CDH12: variants seen among roughly 807,000 people sequenced by gnomAD.
CDH12 encodes cadherin-12.
Under a neutral mutation model 74.1 loss-of-function variants are expected in CDH12, and 41 were observed. The ratio of observed to expected loss-of-function variants is 0.55; its 90% confidence interval spans 0.43 to 0.72. The LOEUF (loss-of-function observed/expected upper bound fraction) is 0.72, where lower values mean the gene tolerates loss of function less well. CDH12 is among the 30% of genes least tolerant of loss of function. The pLI is 0.00. For synonymous variants in CDH12, 399 were observed against 355.0 expected (o/e 1.12, Z -1.39); for missense variants, 945 against 977.2 (o/e 0.97, Z 0.44).
At chr5:22,535,165 T>G (rs1737782586) in intron 1 of CDH12, among the ~76,000 whole-genome samples, 1 of 143,156 alleles carries the variant, frequency 7.0e-6, no homozygotes, top group African/African-American at 2.6e-5. Flanking sequence ...TTTCTTTTTT[T>G]TTTTTTTTTG....
intron 3 of CDH12, among the ~76,000 whole-genome samples, chr5:22,240,827 G>GCACCT (rs767577662): frequency 6.6e-6 from 1 of 152,080 alleles, no homozygotes; most frequent in African/African-American, 2.4e-5. Context: ...AGCCACCGCC[G>GCACCT]CACCTGGCCG....
intron 1 of CDH12, among the ~76,000 whole-genome samples, chr5:22,512,904 A>G (rs1736670100): frequency 6.6e-6 from 1 of 152,140 alleles, no homozygotes; most frequent in South Asian, 2.1e-4. Flanking sequence ...TCTACTAAAA[A>G]TACAAAAAGT....
At position 22,491,625 on chromosome 5, in the gene CDH12, A is replaced by C. The variant is rs577458275; in HGVS notation, c.-428+13645T>G. Among the ~76,000 whole-genome samples, 87 of 138,168 alleles carry C rather than the reference A, an allele frequency of 6.3e-4. 1 individual carries two copies. The highest frequency in any genetic ancestry group is 2.8e-3 in the African/African-American group (82 of 29,656). The allele number at this position is 138,168 out of a possible 152,430, so 90.6% of individuals were successfully genotyped here. A position where few individuals can be genotyped will look rare whatever the true frequency, so the allele number is the denominator to read the frequency against. ...AGCTAATGAGCAAAAAAAAAAACAA[A>C]AAAAAAAACAAAAACAACAACAATA... On this transcript the variant is annotated intron_variant, in intron 2 of 14. Coordinates refer to ENST00000382254, the MANE Select transcript of CDH12 (RefSeq NM_004061.5).
intron 4 of CDH12, among the ~76,000 whole-genome samples, chr5:22,189,017 A>C (rs932881085): frequency 6.6e-6 from 1 of 152,028 alleles, no homozygotes; most frequent in Non-Finnish European, 1.5e-5. Context: ...TGCTCCCCAA[A>C]CTCTTTTAAT....
chr5:22,625,839 C>A (rs268996), intron 1 of CDH12, among the ~76,000 whole-genome samples: 73,950 of 151,924 alleles, frequency 0.49, 18,230 homozygotes, highest in Admixed American at 0.57. Context: ...TTGACTCAAC[C>A]AGCCCACTTT....
intron 1 of CDH12, among the ~76,000 whole-genome samples, chr5:22,761,927 TCAAA>T (rs1746249286): frequency 7.6e-6 from 1 of 132,268 alleles, no homozygotes; most frequent in South Asian, 2.5e-4. Context: ...TTGTAATTTC[TCAAA>T]CACACACACA....
chr5:21,891,624 C>T (rs1171732893), intron 6 of CDH12, among the ~76,000 whole-genome samples: 1 of 147,912 alleles, frequency 6.8e-6, no homozygotes, highest in Non-Finnish European at 1.5e-5. Flanking sequence ...ATGTTTCTTA[C>T]AAGTCTTTTT....
At chr5:21,930,276 A>G (rs537708933) in intron 6 of CDH12, among the ~76,000 whole-genome samples, 1 of 152,278 alleles carries the variant, frequency 6.6e-6, no homozygotes, top group Non-Finnish European at 1.5e-5. Flanking sequence ...TAACTGCTTG[A>G]CACATGCCAG....
At chr5:22,829,529 G>A (rs1291512527) in intron 1 of CDH12, among the ~76,000 whole-genome samples, 1 of 152,134 alleles carries the variant, frequency 6.6e-6, no homozygotes, top group East Asian at 1.9e-4. Flanking sequence ...CTACTGATAG[G>A]AGGAGTGCCA....
chr5:22,417,612 G>A (rs1743455086), intron 2 of CDH12, among the ~76,000 whole-genome samples: 1 of 152,112 alleles, frequency 6.6e-6, no homozygotes, highest in Admixed American at 6.5e-5. Context: ...TTTTGTTATA[G>A]TGGCACCAAA....
At chr5:22,482,678 C>T (rs1018685477) in intron 2 of CDH12, among the ~76,000 whole-genome samples, 1 of 151,828 alleles carries the variant, frequency 6.6e-6, no homozygotes, top group African/African-American at 2.4e-5. Flanking sequence ...GGAATTTAAC[C>T]CTTAGTAAGA....
intron 1 of CDH12, among the ~76,000 whole-genome samples, chr5:22,791,628 G>T (rs981457804): frequency 7.9e-5 from 12 of 152,072 alleles, no homozygotes; most frequent in African/African-American, 2.7e-4. Flanking sequence ...CTGAGATTGG[G>T]TAATTCATAA....
At position 22,774,665 on chromosome 5, in the gene CDH12, C is replaced by T. The variant is rs569058807; in HGVS notation, c.-523+78393G>A. ...GCAAGACATGACTTGTTTCTCCTTG[C>T]CTTCACCATTATTTTGAGGCCTCCC... is the stretch of plus-strand genomic sequence containing the variant. On this transcript the variant is annotated intron_variant, in intron 1 of 14. Transcript: ENST00000382254. 4.6e-5 allele frequency among the ~76,000 whole-genome samples: 7 copies of T among 152,208 alleles called. No individual in the cohort carries two copies. The South Asian group carries it at 1.5e-3, about 32-fold the overall frequency.
At chr5:22,046,193 T>C (rs1739939853) in intron 5 of CDH12, among the ~76,000 whole-genome samples, 1 of 152,140 alleles carries the variant, frequency 6.6e-6, no homozygotes. Flanking sequence ...GTGGACAATT[T>C]AAAAATAATT....
chr5:22,382,854 G>T (rs899077031), intron 3 of CDH12, among the ~76,000 whole-genome samples: 14 of 151,714 alleles, frequency 9.2e-5, no homozygotes, highest in African/African-American at 3.4e-4. Flanking sequence ...TTTTGAGACG[G>T]AGTTTCACTC....
At chr5:22,312,120 C>T (rs995876666) in intron 3 of CDH12, among the ~76,000 whole-genome samples, 1 of 151,654 alleles carries the variant, frequency 6.6e-6, no homozygotes, top group African/African-American at 2.4e-5. Flanking sequence ...CAAACCCTGA[C>T]CAAAAAAGGG....
intron 3 of CDH12, among the ~76,000 whole-genome samples, chr5:22,341,193 C>A (rs560698506): frequency 1.3e-5 from 2 of 152,142 alleles, no homozygotes; most frequent in Non-Finnish European, 2.9e-5. Flanking sequence ...AACAGATATT[C>A]TTTTAACATA....
At chr5:22,176,312 GA>G (rs1749336526) in intron 4 of CDH12, among the ~76,000 whole-genome samples, 1 of 151,682 alleles carries the variant, frequency 6.6e-6, no homozygotes, top group South Asian at 2.1e-4. Context: ...TTCTTTTTTT[GA>G]AAGTCTGTCT....
chr5:22,749,693 T>G (rs1745465411), intron 1 of CDH12, among the ~76,000 whole-genome samples: 1 of 152,058 alleles, frequency 6.6e-6, no homozygotes, highest in Admixed American at 6.6e-5. Flanking sequence ...GAACACAGAG[T>G]GATTGCTTCA....
Sources: allele counts gnomAD v4.1 joint callset (sites outside exome capture counted in the v4.1 genomes callset), GRCh38; gene constraint gnomAD v4.1.1; transcripts MANE v1.5; gene names NCBI Gene and HGNC (gene_info 2026-07-23, HGNC 2026-07-21).